The following AEBP2 variants were observed in gnomAD, a reference collection of about 807,000 sequenced individuals.
The protein encoded by AEBP2 is AE binding protein 2, also known as zinc finger protein AEBP2.
A neutral mutation model predicts 50.8 loss-of-function variants in AEBP2; 10 were observed. That is an observed-to-expected ratio of 0.20 (90% confidence interval 0.12 to 0.33). The LOEUF is 0.33. Among genes scored for constraint, AEBP2 ranks in the 10% least tolerant of loss-of-function variants. AEBP2 has a pLI of 1.00. For synonymous variants in AEBP2, 296 were observed against 261.3 expected, an observed-to-expected ratio of 1.13 and a Z score of -1.28; for missense variants, 570 against 688.0, an observed-to-expected ratio of 0.83 and a Z score of 1.92.
chr12:19,465,737 A>G (rs1948460720), intron 2 of AEBP2, among the ~76,000 whole-genome samples: 1 of 151,870 alleles, frequency 6.6e-6, no homozygotes, highest in Non-Finnish European at 1.5e-5. Flanking sequence ...TATAAAAGAC[A>G]AGAAAACTTG....
chr12:19,475,096 T>TG (rs980667681), intron 3 of AEBP2, among the ~76,000 whole-genome samples: 1 of 152,186 alleles, frequency 6.6e-6, no homozygotes, highest in Non-Finnish European at 1.5e-5. Context: ...GAATAGTTTT[T>TG]GGGGAACAGG....
chr12:19,491,153 A>G (rs1948890517), intron 3 of AEBP2, among the ~76,000 whole-genome samples: 1 of 152,146 alleles, frequency 6.6e-6, no homozygotes, highest in South Asian at 2.1e-4. Context: ...TACAGAAGAG[A>G]TGGCAGCTTT....
At chr12:19,491,935 CTT>C (rs1273574609) in intron 3 of AEBP2, among the ~76,000 whole-genome samples, 1 of 152,040 alleles carries the variant, frequency 6.6e-6, no homozygotes, top group Admixed American at 6.6e-5. Context: ...TTTAGAGAGA[CTT>C]TATGAGGAAA....
At chr12:19,453,935 T>A (rs954081206) in intron 1 of AEBP2, among the ~76,000 whole-genome samples, 5 of 152,132 alleles carry the variant, frequency 3.3e-5, no homozygotes, top group African/African-American at 1.2e-4. Context: ...AGTGCTGGGA[T>A]TACAGGCTTG....
rs1949346822 is a variant in AEBP2, at chr12:19,518,172, A to G, written c.*55A>G. 6.5e-7 allele frequency: 1 copy of G among 1,530,270 alleles called. No individual in the cohort carries two copies. The highest frequency in any genetic ancestry group is 1.4e-5 in the African/African-American group (1 of 71,722). The allele number at this position is 1,530,270 out of a possible 1,614,324, so 94.8% of individuals were successfully genotyped here. A position where few individuals can be genotyped will look rare whatever the true frequency, so the allele number is the denominator to read the frequency against. ...AGCGGGGACACCTGCAGTCTTAGTC[A>G]CTGACAATGGGTTTAGGGAAAGTTG... On this transcript the variant is annotated 3_prime_UTR_variant, in exon 8 of 8. Transcript: ENST00000266508.
intron 1 of AEBP2, among the ~76,000 whole-genome samples, chr12:19,404,930 CTTTTT>C (rs34351225): frequency 2.1e-5 from 2 of 95,706 alleles, no homozygotes; most frequent in South Asian, 3.6e-4. Context: ...CTTGGCTACT[CTTTTT>C]TTTTTTTTTT....
chr12:19,482,132 A>T (rs1352699963), intron 3 of AEBP2, among the ~76,000 whole-genome samples: 8 of 152,042 alleles, frequency 5.3e-5, no homozygotes, highest in Admixed American at 3.3e-4. Flanking sequence ...TCCTCTAGGG[A>T]TGGGGCTTCC....
chr12:19,451,558 G>A (rs1290480685), intron 1 of AEBP2, among the ~76,000 whole-genome samples: 4 of 152,228 alleles, frequency 2.6e-5, no homozygotes, highest in African/African-American at 9.6e-5. Context: ...TTGGAAGTCT[G>A]GCATCATCAC....
Position 19,519,275 on chromosome 12 carries a change from A to G in AEBP2, c.*1158A>G, listed in dbSNP as rs1182111800. 6.6e-6 allele frequency: 1 copy of G among 152,566 alleles called. No individual in the cohort carries two copies. The highest frequency in any genetic ancestry group is 2.4e-5 in the African/African-American group (1 of 41,444). The allele number at this position is 152,566 out of a possible 1,614,324, so 9.5% of individuals were successfully genotyped here. A position where few individuals can be genotyped will look rare whatever the true frequency, so the allele number is the denominator to read the frequency against. Reference sequence around the variant, plus strand: ...ACTGTAGATGTTTTCTAGAGGCATGAAAGTTAAATGTATATATTATGGTAG... The same window carrying G: ...ACTGTAGATGTTTTCTAGAGGCATGGAAGTTAAATGTATATATTATGGTAG... On this transcript the variant is annotated 3_prime_UTR_variant, in exon 8 of 8. Coordinates refer to ENST00000266508, the MANE Select transcript of AEBP2 (RefSeq NM_153207.5).
In AEBP2 at chr12:19,518,691, G is replaced by T; in HGVS notation, c.*574G>T. 2.0e-6 allele frequency: 3 copies of T among 1,481,338 alleles called. No homozygotes were observed. The highest frequency in any genetic ancestry group is 2.7e-6 in the Non-Finnish European group (3 of 1,097,406). The allele number at this position is 1,481,338 out of a possible 1,614,324, so 91.8% of individuals were successfully genotyped here. A position where few individuals can be genotyped will look rare whatever the true frequency, so the allele number is the denominator to read the frequency against. ...CTTTTGCAGAACTCTGATAAGAAAAGTGTTCAATTTGTATTTAAGCAAACA... is the reference window on the plus strand; with the variant it reads ...CTTTTGCAGAACTCTGATAAGAAAATTGTTCAATTTGTATTTAAGCAAACA... On this transcript the variant is annotated 3_prime_UTR_variant, in exon 8 of 8. Transcript: ENST00000266508.
chr12:19,494,103 A>C, intron 4 of AEBP2, 117 bp downstream of exon 4: 1 of 1,136,682 alleles, frequency 8.8e-7, no homozygotes, highest in East Asian at 2.6e-5. Context: ...ACAAACAGGT[A>C]GGATGCCTGT....
At chr12:19,413,018 G>A in intron 1 of AEBP2, 1 of 415,196 alleles carries the variant, frequency 2.4e-6, no homozygotes, top group South Asian at 2.3e-5. Flanking sequence ...TGGGGTGTGG[G>A]GTCCCCTGGC....
intron 2 of AEBP2, chr12:19,466,888 C>A (rs1394543923): frequency 1.3e-6 from 1 of 786,102 alleles, no homozygotes. Context: ...AATTTCTGTT[C>A]TTTTTCTCAT....
chr12:19,470,176 T>C (rs1025402454), intron 2 of AEBP2, among the ~76,000 whole-genome samples: 1 of 151,818 alleles, frequency 6.6e-6, no homozygotes, highest in Non-Finnish European at 1.5e-5. Flanking sequence ...TTTTTTTTTT[T>C]AAGACGGAGT....
At chr12:19,455,160 A>AT (rs34852339) in intron 1 of AEBP2, among the ~76,000 whole-genome samples, 18,545 of 145,610 alleles carry the variant, frequency 0.13, 1,331 homozygotes, top group Middle Eastern at 0.19. Context: ...TGCCCAGCTA[A>AT]TTTTTTTTTT....
intron 1 of AEBP2, 134 bp downstream of exon 1, chr12:19,440,504 T>C: frequency 1.4e-6 from 2 of 1,392,672 alleles, no homozygotes; most frequent in Non-Finnish European, 1.9e-6. Flanking sequence ...GACTCTCAAC[T>C]CGGAAATCTC....
At chr12:19,478,854 T>A (rs186521506) in intron 3 of AEBP2, among the ~76,000 whole-genome samples, 164 of 152,246 alleles carry the variant, frequency 1.1e-3, no homozygotes, top group African/African-American at 3.4e-3. Flanking sequence ...TTAGATTTTT[T>A]AAAAAATTTA....
intron 1 of AEBP2, among the ~76,000 whole-genome samples, chr12:19,452,078 G>A (rs1233154952): frequency 1.3e-5 from 2 of 151,862 alleles, no homozygotes; most frequent in East Asian, 3.9e-4. Flanking sequence ...TTTAGTAGAG[G>A]TAGGGTTTCA....
intron 1 of AEBP2, among the ~76,000 whole-genome samples, chr12:19,407,787 T>C (rs1361712840): frequency 2.0e-5 from 3 of 151,998 alleles, no homozygotes; most frequent in Non-Finnish European, 2.9e-5. Flanking sequence ...GGTGGCTTAC[T>C]CCTGTAATCC....
Sources: gnomAD v4.1 joint callset for allele counts (sites outside exome capture counted in the v4.1 genomes callset) on GRCh38, gnomAD v4.1.1 for gene constraint, MANE v1.5 for transcripts, NCBI Gene and HGNC (gene_info 2026-07-23, HGNC 2026-07-21) for gene names.